Variants in CAPZB observed in about 807,000 individuals in gnomAD.
CAPZB encodes the protein capping actin protein of muscle Z-line subunit beta.
CAPZB carries 2 observed loss-of-function variants against 38.1 expected under a neutral mutation model. The observed-to-expected ratio is 0.05, with a 90% CI of 0.02 to 0.17. The LOEUF is 0.17. Ranked by LOEUF, CAPZB falls within the 10% of genes least tolerant of loss-of-function variation. The pLI is 1.00. For missense variants in CAPZB, 161 were observed against 334.2 expected (o/e 0.48, Z 4.04); for synonymous variants, 107 against 127.4 (o/e 0.84, Z 1.08).
At chr1:19,439,299 T>C (rs2094468094) in intron 1 of CAPZB, among the ~76,000 whole-genome samples, 2 of 152,216 alleles carry the variant, frequency 1.3e-5, no homozygotes, top group Admixed American at 1.3e-4. Context: ...TAGACAACTA[T>C]AACCTCCTTC....
intron 4 of CAPZB, among the ~76,000 whole-genome samples, chr1:19,373,603 G>A (rs1469297436): frequency 6.6e-6 from 1 of 152,132 alleles, no homozygotes; most frequent in Non-Finnish European, 1.5e-5. Context: ...GTGGCCCGTG[G>A]GCTGCCTGGA....
intron 1 of CAPZB, chr1:19,449,312 G>A (rs1216478586): frequency 3.9e-6 from 4 of 1,034,362 alleles, no homozygotes; most frequent in African/African-American, 3.3e-5. Flanking sequence ...CGAGATGCGA[G>A]TCACGGTCAG....
At chr1:19,395,646 T>C (rs760326042) in intron 2 of CAPZB, among the ~76,000 whole-genome samples, 5 of 152,214 alleles carry the variant, frequency 3.3e-5, no homozygotes, top group Admixed American at 6.5e-5. Context: ...AACCTTAAGC[T>C]TCCCTGAAGG....
intron 1 of CAPZB, among the ~76,000 whole-genome samples, chr1:19,475,074 C>A (rs957662127): frequency 1.3e-5 from 2 of 152,110 alleles, no homozygotes; most frequent in African/African-American, 4.8e-5. Flanking sequence ...AAGACCCTTC[C>A]GGCTCTAATA....
chr1:19,341,186 C>A (rs1275766518), intron 8 of CAPZB, among the ~76,000 whole-genome samples: 3 of 152,208 alleles, frequency 2.0e-5, no homozygotes, highest in Non-Finnish European at 4.4e-5. Context: ...TGGGGAAATA[C>A]ACGTTTCTGA....
At chr1:19,447,191 T>C (rs1215783440) in intron 1 of CAPZB, among the ~76,000 whole-genome samples, 2 of 152,048 alleles carry the variant, frequency 1.3e-5, no homozygotes, top group Non-Finnish European at 2.9e-5. Flanking sequence ...TGTTGTTGCT[T>C]TGTTTTAAAG....
chr1:19,389,801 C>G (rs760002968), intron 2 of CAPZB, among the ~76,000 whole-genome samples: 15 of 152,190 alleles, frequency 9.9e-5, no homozygotes, highest in Admixed American at 5.2e-4. Context: ...TCCTTCAGGG[C>G]CTGGCCCAAA....
intron 3 of CAPZB, among the ~76,000 whole-genome samples, chr1:19,379,613 T>C (rs550997732): frequency 6.6e-6 from 1 of 152,336 alleles, no homozygotes; most frequent in South Asian, 2.1e-4. Flanking sequence ...AGGATAGCTT[T>C]TCCAACATCC....
chr1:19,463,010 C>T (rs980506585), intron 1 of CAPZB, among the ~76,000 whole-genome samples: 1 of 152,200 alleles, frequency 6.6e-6, no homozygotes, highest in Non-Finnish European at 1.5e-5. Flanking sequence ...GTGGACAGCA[C>T]AGCTGCAAAG....
intron 1 of CAPZB, among the ~76,000 whole-genome samples, chr1:19,428,255 T>C: frequency 6.6e-6 from 1 of 151,924 alleles, no homozygotes; most frequent in East Asian, 1.9e-4. Context: ...ATACAAAAAT[T>C]AGCAGGGCGT....
At chr1:19,350,242 G>A (rs533821390) in intron 6 of CAPZB, among the ~76,000 whole-genome samples, 73 of 152,402 alleles carry the variant, frequency 4.8e-4, no homozygotes, top group Admixed American at 1.1e-3. Context: ...CTGAGGCCCC[G>A]CAGCTCCTGT....
intron 1 of CAPZB, among the ~76,000 whole-genome samples, chr1:19,439,494 T>C (rs1413083887): frequency 6.6e-6 from 1 of 152,242 alleles, no homozygotes; most frequent in Non-Finnish European, 1.5e-5. Flanking sequence ...TGACCCCTGC[T>C]TGATCTTGAC....
intron 1 of CAPZB, among the ~76,000 whole-genome samples, chr1:19,471,635 T>A (rs184480350): frequency 6.6e-6 from 1 of 152,024 alleles, no homozygotes; most frequent in East Asian, 1.9e-4. Context: ...GAGGTCAAGG[T>A]GGGCAGATCA....
chr1:19,342,582 T>G (rs1207510310), intron 8 of CAPZB, among the ~76,000 whole-genome samples: 2 of 152,152 alleles, frequency 1.3e-5, no homozygotes, highest in Middle Eastern at 3.4e-3. Context: ...GGTGCCGTGT[T>G]ACATGGGGCC....
At chr1:19,385,721 C>G (rs74941542) in intron 2 of CAPZB, 95 bp from the exon 3 acceptor site, 17 of 1,469,786 alleles carry the variant, frequency 1.2e-5, no homozygotes, top group Non-Finnish European at 1.5e-5. Flanking sequence ...TGGTCAGTAC[C>G]TTTAACATCT....
At chr1:19,376,246 G>A (rs1378086730) in intron 4 of CAPZB, among the ~76,000 whole-genome samples, 2 of 152,170 alleles carry the variant, frequency 1.3e-5, no homozygotes, top group East Asian at 3.9e-4. Flanking sequence ...CTCAGGCTTA[G>A]GGGATGACAC....
intron 1 of CAPZB, among the ~76,000 whole-genome samples, chr1:19,460,544 G>A (rs1171502479): frequency 1.4e-5 from 2 of 144,882 alleles, no homozygotes; most frequent in African/African-American, 2.5e-5. Flanking sequence ...CAAAGTGCTA[G>A]GATTACAGGC....
chr1:19,406,014 G>T lies in CAPZB; in HGVS notation c.93+13647C>A, dbSNP rs574625594. ...GGGCATGGGGCTGGCCAGCCCCTTG[G>T]CAAGGCCTCTCTCAGGCAGGCTCTG... On this transcript the variant is annotated intron_variant, in intron 2 of 8. Coordinates refer to ENST00000264202, the MANE Select transcript of CAPZB (RefSeq NM_004930.5). Among the ~76,000 whole-genome samples the T allele has an allele frequency of 4.3e-4, 66 of 152,194 alleles. 1 individual carries two copies. The highest frequency in any genetic ancestry group is 8.2e-4 in the Non-Finnish European group (56 of 68,022).
chr1:19,416,240 T>C (rs1365650209), intron 2 of CAPZB, among the ~76,000 whole-genome samples: 1 of 152,240 alleles, frequency 6.6e-6, no homozygotes, highest in Non-Finnish European at 1.5e-5. Context: ...TACTAATGAA[T>C]TTAATTAACA....
Sources: allele counts gnomAD v4.1 joint callset (sites outside exome capture counted in the v4.1 genomes callset), GRCh38; gene constraint gnomAD v4.1.1; transcripts MANE v1.5; gene names NCBI Gene and HGNC (gene_info 2026-07-23, HGNC 2026-07-21).